The following GPM6B variants were observed in gnomAD, a reference collection of about 807,000 sequenced individuals.
GPM6B encodes the protein glycoprotein M6B, also known as neuronal membrane glycoprotein M6-b.
A neutral mutation model predicts 27.2 loss-of-function variants in GPM6B; 4 were observed. The ratio of observed to expected loss-of-function variants is 0.15; its 90% CI spans 0.07 to 0.34. The LOEUF (loss-of-function observed/expected upper bound fraction) is 0.34, where lower values mean the gene tolerates loss of function less well. Among genes scored for constraint, GPM6B ranks in the 10% least tolerant of loss-of-function variants. The pLI is 1.00. For synonymous variants in GPM6B, 124 were observed against 103.1 expected (o/e 1.20, Z -1.23); for missense variants, 183 against 261.9 (o/e 0.70, Z 2.08).
At chrX:13,841,427 T>G (rs972940611) in intron 1 of GPM6B, among the ~76,000 whole-genome samples, 1 of 111,980 alleles carries the variant, frequency 8.9e-6, no homozygotes, top group Non-Finnish European at 1.9e-5. Flanking sequence ...CATAATATAT[T>G]TTCACATCAC....
chrX:13,790,175 A>G (rs1395384651), intron 2 of GPM6B, among the ~76,000 whole-genome samples: 4 of 112,159 alleles, frequency 3.6e-5, no homozygotes, highest in Non-Finnish European at 7.5e-5. Context: ...ATTTTTAAGC[A>G]TGGGAAACAG....
In GPM6B at chrX:13,777,409, A is replaced by C; in HGVS notation, c.714T>G (p.Asn238Lys). ...AGCCACATATTTTTCCGGGGAAAGC[A>C]TTCCAAGGAATGATACCTGTAAAAT... The part of the protein sequence containing the change: ...DIRQYGIIPW[N>K]AFPGKICGSA... The change falls in exon 6 of 8, where the codon AAT (asparagine) becomes AAG (lysine). Residue 238 changes from asparagine to lysine, a missense_variant. Asn to Lys is a moderately conservative substitution (Grantham distance 94). Transcript: ENST00000316715. 8.4e-7 allele frequency: 1 copy of C among 1,195,945 alleles called. No individual in the cohort carries two copies. The highest frequency in any genetic ancestry group is 1.1e-6 in the Non-Finnish European group (1 of 880,948).
intron 1 of GPM6B, among the ~76,000 whole-genome samples, chrX:13,932,273 C>G (rs1051240272): frequency 9.0e-6 from 1 of 111,596 alleles, no homozygotes; most frequent in Non-Finnish European, 1.9e-5. Context: ...CTGGACCATC[C>G]TCTCCCAGAC....
At chrX:13,834,287 A>T (rs2049472955) in intron 1 of GPM6B, among the ~76,000 whole-genome samples, 1 of 112,585 alleles carries the variant, frequency 8.9e-6, no homozygotes. Context: ...TCAAATGCCA[A>T]ATCTACAATA....
rs983160650 is a variant in GPM6B, at chrX:13,887,187, T to G, written c.-198+51140A>C. ...GCCAATCTGTCCACTGATAAATGCT[T>G]TGTGTTTTCCCTGCTGGTAACAATG... On this transcript the variant is annotated intron_variant, in intron 1 of 6. Coordinates refer to the GPM6B transcript ENST00000398361. 5.7e-4 allele frequency among the ~76,000 whole-genome samples: 64 copies of G among 112,362 alleles called. 1 individual carries two copies. Among genetic ancestry groups the G allele is most frequent in the Non-Finnish European group, 2.4e-4 (13 of 53,323 alleles).
chrX:13,917,868 C>T (rs1413263013), intron 1 of GPM6B, among the ~76,000 whole-genome samples: 2 of 112,620 alleles, frequency 1.8e-5, no homozygotes, highest in Admixed American at 1.9e-4. Context: ...TAATTTGCTA[C>T]ATTCAGAAAA....
At chrX:13,783,577 C>A in intron 3 of GPM6B, 56 bp from the exon 4 acceptor site, 1 of 948,676 alleles carries the variant, frequency 1.1e-6, no homozygotes, top group Admixed American at 2.6e-5. Context: ...GTAGTGACTA[C>A]GTTTCTGGAC....
intron 2 of GPM6B, among the ~76,000 whole-genome samples, chrX:13,804,296 C>A (rs949145932): frequency 2.7e-5 from 3 of 110,312 alleles, no homozygotes; most frequent in Non-Finnish European, 5.7e-5. Flanking sequence ...GTGCTCCCTC[C>A]AATGTTAAGC....
At chrX:13,849,485 T>TA (rs199927948) in intron 1 of GPM6B, among the ~76,000 whole-genome samples, 1,945 of 112,507 alleles carry the variant, frequency 0.017, 37 homozygotes, top group East Asian at 0.14. Context: ...GTATCATAAA[T>TA]ACAGACAAAT....
intron 1 of GPM6B, among the ~76,000 whole-genome samples, chrX:13,837,211 C>A (rs781211903): frequency 1.4e-4 from 10 of 69,489 alleles, no homozygotes; most frequent in Non-Finnish European, 3.0e-4. Flanking sequence ...GATATCCCTT[C>A]AATCACAACC....
chrX:13,906,684 G>GAAAT (rs1375814963), intron 1 of GPM6B, among the ~76,000 whole-genome samples: 2 of 112,035 alleles, frequency 1.8e-5, no homozygotes, highest in Admixed American at 1.9e-4. Context: ...GGTTTTAAAA[G>GAAAT]AAATGTCTAG....
intron 1 of GPM6B, among the ~76,000 whole-genome samples, chrX:13,841,127 TAA>T: frequency 8.9e-6 from 1 of 112,281 alleles, no homozygotes; most frequent in African/African-American, 3.2e-5. Flanking sequence ...TATATATACA[TAA>T]CATATACATA....
chrX:13,832,537 C>T (rs16979301), intron 1 of GPM6B, among the ~76,000 whole-genome samples: 3,539 of 111,002 alleles, frequency 0.032, 134 homozygotes, highest in African/African-American at 0.11. Flanking sequence ...TTGGGTGGTC[C>T]ACGGTTGGTA....
rs181800423 is a variant in GPM6B at position 13,781,203 on chromosome X, C to T, written c.526-1214G>A. On this transcript the variant is annotated intron_variant, in intron 4 of 7. Coordinates refer to ENST00000316715, the MANE Select transcript of GPM6B (RefSeq NM_001001995.3). ...AGAGGGAAGGCCACTGTCCCCCTCCCAGAGGTCCCCGCTGCGAGCTGGCCC... is the reference window on the plus strand; with the variant it reads ...AGAGGGAAGGCCACTGTCCCCCTCCTAGAGGTCCCCGCTGCGAGCTGGCCC... Among the ~76,000 whole-genome samples the T allele has an allele frequency of 1.9e-3, 209 of 111,213 alleles. 1 individual carries two copies. Among genetic ancestry groups the T allele is most frequent in the African/African-American group, 6.0e-3 (184 of 30,563 alleles).
At chrX:13,917,376 T>A (rs1421259105) in intron 1 of GPM6B, among the ~76,000 whole-genome samples, 1 of 112,716 alleles carries the variant, frequency 8.9e-6, no homozygotes, top group Non-Finnish European at 1.9e-5. Flanking sequence ...ATTTATGTGA[T>A]CAAGCCATTT....
Position 13,892,390 on chromosome X carries a change from C to T in GPM6B, c.-198+45937G>A, listed in dbSNP as rs148146079. On this transcript the variant is annotated intron_variant, in intron 1 of 6. Transcript: ENST00000398361. ...GGACTAACATAGATCATAATATTTG[C>T]GGGTTTTGCCATTACTTTTAATGGT... is the stretch of plus-strand genomic sequence containing the variant. Among the ~76,000 whole-genome samples the T allele has an allele frequency of 7.7e-3, 855 of 111,169 alleles. 7 individuals are homozygous for T. The highest frequency in any genetic ancestry group is 0.026 in the African/African-American group (791 of 30,558).
intron 1 of GPM6B, among the ~76,000 whole-genome samples, chrX:13,862,564 G>C (rs1376199174): frequency 8.9e-6 from 1 of 112,390 alleles, no homozygotes; most frequent in East Asian, 2.8e-4. Context: ...ATATGAAGCA[G>C]TGGTAATACA....
At chrX:13,908,199 CTAT>C (rs915105683) in intron 1 of GPM6B, among the ~76,000 whole-genome samples, 3 of 77,552 alleles carry the variant, frequency 3.9e-5, no homozygotes, top group Admixed American at 1.7e-4. Flanking sequence ...GAACCTGAAA[CTAT>C]TCTGAAAACA....
intron 1 of GPM6B, among the ~76,000 whole-genome samples, chrX:13,810,102 G>A (rs1468285059): frequency 9.1e-6 from 1 of 110,386 alleles, no homozygotes; most frequent in Non-Finnish European, 1.9e-5. Context: ...TGGGTGACAG[G>A]GTGAGACTCT....
Sources: gnomAD v4.1 joint callset for allele counts (sites outside exome capture counted in the v4.1 genomes callset) on GRCh38, gnomAD v4.1.1 for gene constraint, MANE v1.5 for transcripts, NCBI Gene and HGNC (gene_info 2026-07-23, HGNC 2026-07-21) for gene names.